MYO18A: variants seen among roughly 807,000 people sequenced by gnomAD.
The protein encoded by MYO18A is unconventional myosin-XVIIIa.
MYO18A carries 78 observed loss-of-function variants against 235.8 expected under a neutral mutation model. The ratio of observed to expected loss-of-function variants is 0.33; its 90% CI spans 0.28 to 0.40. The LOEUF is 0.40. Ranked by LOEUF, MYO18A falls within the 10% of genes least tolerant of loss-of-function variation. The pLI is 1.00. For synonymous variants in MYO18A, 977 were observed against 1,077.8 expected (o/e 0.91, Z 1.83); for missense variants, 2,215 against 2,699.3 (o/e 0.82, Z 3.98).
intron 39 of MYO18A, among the ~76,000 whole-genome samples, 183 bp downstream of exon 39, chr17:29,086,255 C>A (rs1387138902): frequency 6.6e-6 from 1 of 152,148 alleles, no homozygotes; most frequent in Non-Finnish European, 1.5e-5. Context: ...TCAGGGTGCA[C>A]CTGTCTCACC....
intron 2 of MYO18A, chr17:29,128,213 G>T: frequency 8.7e-7 from 1 of 1,152,840 alleles, no homozygotes; most frequent in Non-Finnish European, 1.1e-6. Flanking sequence ...AGGGGGTGGC[G>T]GCTTGGGACT....
intron 2 of MYO18A, among the ~76,000 whole-genome samples, chr17:29,135,470 CAATT>C (rs2067575964): frequency 6.6e-6 from 1 of 152,170 alleles, no homozygotes; most frequent in Non-Finnish European, 1.5e-5. Flanking sequence ...GTTTTGTTTT[CAATT>C]AATTATTTCT....
intron 39 of MYO18A, 125 bp downstream of exon 39, chr17:29,086,313 G>A (rs2066252164): frequency 9.3e-7 from 1 of 1,077,918 alleles, no homozygotes; most frequent in Admixed American, 2.2e-5. Flanking sequence ...AGTAAAGGGA[G>A]GGTGGGTTGG....
chr17:29,169,897 G>A (rs1425697651), intron 1 of MYO18A, among the ~76,000 whole-genome samples: 1 of 152,104 alleles, frequency 6.6e-6, no homozygotes, highest in Non-Finnish European at 1.5e-5. Context: ...AGAATTCTAG[G>A]ATCTTTGGGC....
At chr17:29,103,254 C>T (rs1206159322) in intron 21 of MYO18A, among the ~76,000 whole-genome samples, 1 of 152,260 alleles carries the variant, frequency 6.6e-6, no homozygotes, top group Non-Finnish European at 1.5e-5. Context: ...CCTCTGGGTC[C>T]AGCCCTCCTG....
At chr17:29,097,492 C>G (rs912209450) in intron 26 of MYO18A, 142 bp from the exon 27 acceptor site, 24 of 1,170,008 alleles carry the variant, frequency 2.1e-5, no homozygotes, top group Non-Finnish European at 2.7e-5. Flanking sequence ...GGCTTCCTCC[C>G]AAGGCAGAAG....
At chr17:29,104,359 C>T (rs576451835) in intron 20 of MYO18A, among the ~76,000 whole-genome samples, 10 of 152,170 alleles carry the variant, frequency 6.6e-5, no homozygotes, top group Admixed American at 1.3e-4. Flanking sequence ...TTGCTGGATA[C>T]GGGGATAGGG....
chr17:29,077,423 T>C (rs568577577), intron 41 of MYO18A: 5 of 152,396 alleles, frequency 3.3e-5, no homozygotes, highest in African/African-American at 1.2e-4. Flanking sequence ...CCCCTCCCCT[T>C]GACTTTGCTA....
rs1204455463 is a variant in MYO18A at position 29,111,504 on chromosome 17, G to A, written c.2820C>T (p.Tyr940=). 1.9e-6 allele frequency: 3 copies of A among 1,613,260 alleles called. No homozygotes were observed. Among genetic ancestry groups the A allele is most frequent in the Non-Finnish European group, 2.5e-6 (3 of 1,179,628 alleles). Residue 940 remains tyrosine (Y), a synonymous_variant, in exon 17 of 42, where the codon TAC becomes TAT. Transcript: ENST00000527372. The surrounding 1 kb of genome is among the most constrained non-coding windows in gnomAD (Gnocchi z 5.1). ...GHSHGTNWVE[Y]NVTGWLNYTK... is the part of the protein sequence containing the mutation. ...TGTAGTTCAGCCAGCCAGTCACATT[G>A]TACTCTACCCAGTTGGTGCCATGGC...
At chr17:29,172,042 T>C (rs1032916829) in intron 1 of MYO18A, among the ~76,000 whole-genome samples, 3 of 152,190 alleles carry the variant, frequency 2.0e-5, no homozygotes, top group African/African-American at 7.2e-5. Flanking sequence ...TTCTGAATGT[T>C]TGCAGGTCAT....
At chr17:29,113,763 C>T (rs2066989623) in intron 15 of MYO18A, among the ~76,000 whole-genome samples, 2 of 152,194 alleles carry the variant, frequency 1.3e-5, no homozygotes, top group South Asian at 2.1e-4. Context: ...ACTGGGACCC[C>T]CATGGGCTGT....
chr17:29,095,123 T>G (rs1433862968), intron 28 of MYO18A, 64 bp from the exon 29 acceptor site: 2 of 1,470,280 alleles, frequency 1.4e-6, no homozygotes, highest in Non-Finnish European at 1.8e-6. Flanking sequence ...ACAGACACTG[T>G]CAGGAGGTGG....
At chr17:29,139,767 C>T (rs73988921) in intron 2 of MYO18A, among the ~76,000 whole-genome samples, 4,736 of 152,220 alleles carry the variant, frequency 0.031, 172 homozygotes, top group African/African-American at 0.087. Flanking sequence ...GCCATCTGTG[C>T]CCCTTGCAAG....
chr17:29,080,339 C>T, intron 41 of MYO18A: 1 of 986,186 alleles, frequency 1.0e-6, no homozygotes, highest in East Asian at 1.1e-4. Flanking sequence ...GGCTCATCCA[C>T]TGCCGAGGCA....
At chr17:29,085,459 T>A in intron 40 of MYO18A, 145 bp downstream of exon 40, 1 of 717,420 alleles carries the variant, frequency 1.4e-6, no homozygotes, top group South Asian at 1.7e-5. Flanking sequence ...AGAGTCAGCA[T>A]GTTAGCGTTA....
chr17:29,145,734 A>G (rs1439606406), intron 2 of MYO18A, among the ~76,000 whole-genome samples: 1 of 152,212 alleles, frequency 6.6e-6, no homozygotes, highest in Non-Finnish European at 1.5e-5. Flanking sequence ...ATTTAAAAAA[A>G]TGTACAGATC....
intron 2 of MYO18A, chr17:29,128,021 C>CA (rs1283045056): frequency 5.9e-6 from 6 of 1,008,738 alleles, no homozygotes; most frequent in Non-Finnish European, 7.1e-6. Flanking sequence ...GGAGTCTGCC[C>CA]AGTCTGGGGA....
intron 37 of MYO18A, 35 bp from the exon 38 acceptor site, chr17:29,087,156 G>C: frequency 1.3e-6 from 2 of 1,590,246 alleles, no homozygotes; most frequent in South Asian, 2.3e-5. Context: ...GACACAGCAG[G>C]CAGGCCCATC....
rs2067135588 is a variant in MYO18A at position 29,118,892 on chromosome 17, C to A, written c.1829+443G>T. Among the ~76,000 whole-genome samples, 1 of 152,026 alleles carries A rather than the reference C, an allele frequency of 6.6e-6. No individual in the cohort carries two copies. Among genetic ancestry groups the A allele is most frequent in the African/African-American group, 2.4e-5 (1 of 41,352 alleles). On this transcript the variant is annotated intron_variant, in intron 8 of 41. Coordinates refer to ENST00000527372, the MANE Select transcript of MYO18A (RefSeq NM_078471.4). This position sits in a 1 kb window ranked among gnomAD's most constrained non-coding sequence, Gnocchi z 4.2. ...GGCAGCCAACGTGGGGCAGGAAGGGCTAGTCTGGAGGGCACTGGAAGAGGC... is the reference window on the plus strand; with the variant it reads ...GGCAGCCAACGTGGGGCAGGAAGGGATAGTCTGGAGGGCACTGGAAGAGGC...
Sources: allele counts gnomAD v4.1 joint callset (sites outside exome capture counted in the v4.1 genomes callset), GRCh38; gene constraint gnomAD v4.1.1; non-coding constraint Gnocchi (gnomAD v3.1); transcripts MANE v1.5; gene names NCBI Gene and HGNC (gene_info 2026-07-23, HGNC 2026-07-21).